TBC1D22A: variants seen among roughly 807,000 people sequenced by gnomAD.
TBC1D22A encodes the protein putative GTPase activator.
In TBC1D22A, 38 loss-of-function variants were observed where a neutral mutation model predicts 60.2. The observed-to-expected ratio is 0.63, with a 90% CI of 0.49 to 0.83. TBC1D22A has a LOEUF of 0.83. TBC1D22A is among the 40% of genes least tolerant of loss of function. The pLI is 0.00. For synonymous variants in TBC1D22A, 302 were observed against 281.7 expected (o/e 1.07, Z -0.72); for missense variants, 628 against 701.0 (o/e 0.90, Z 1.18).
intron 11 of TBC1D22A, among the ~76,000 whole-genome samples, chr22:47,089,579 G>A (rs1305832629): frequency 5.3e-5 from 8 of 152,260 alleles, no homozygotes; most frequent in Non-Finnish European, 2.9e-5. Flanking sequence ...CGTGTGGGAG[G>A]AGTGAGGCCG....
intron 4 of TBC1D22A, among the ~76,000 whole-genome samples, chr22:46,820,220 G>A (rs981033164): frequency 6.6e-6 from 1 of 151,762 alleles, no homozygotes; most frequent in African/African-American, 2.4e-5. Context: ...GGTTTTTTGT[G>A]TCTCAGTCTC....
intron 12 of TBC1D22A, among the ~76,000 whole-genome samples, chr22:47,156,576 G>A (rs560135775): frequency 1.3e-5 from 2 of 152,284 alleles, no homozygotes; most frequent in East Asian, 3.9e-4. Flanking sequence ...CCTCACAGAG[G>A]CGACCAGAAG....
chr22:46,847,957 G>T (rs111929620), intron 4 of TBC1D22A, among the ~76,000 whole-genome samples: 1 of 51,902 alleles, frequency 1.9e-5, no homozygotes, highest in Non-Finnish European at 4.0e-5. Context: ...GTGTGTGTGC[G>T]CGCGCGCACG....
rs543791591 is a variant in TBC1D22A, at chr22:46,852,359, GCC to G, written c.638-26289_638-26288del. Among the ~76,000 whole-genome samples the G allele has an allele frequency of 2.4e-4, 36 of 152,286 alleles. No individual in the cohort carries two copies. In the South Asian group the frequency reaches 6.8e-3, roughly 29 times the overall value. ...CAGGGTGGCGGCTGCTGCTGCGTGTGCCCCCCTGTCTGTGGTCTGGCCTGTTT... is the reference window on the plus strand; with the variant it reads ...CAGGGTGGCGGCTGCTGCTGCGTGTGCCCCTGTCTGTGGTCTGGCCTGTTT... On this transcript the variant is annotated intron_variant, in intron 4 of 12. Coordinates refer to ENST00000337137, the MANE Select transcript of TBC1D22A (RefSeq NM_014346.5).
intron 7 of TBC1D22A, among the ~76,000 whole-genome samples, chr22:46,911,748 T>C (rs2069941724): frequency 6.6e-6 from 1 of 151,934 alleles, no homozygotes; most frequent in Admixed American, 6.6e-5. Flanking sequence ...CGAAACCCTG[T>C]GTGTACCAAA....
At chr22:47,072,348 C>T (rs757183977) in intron 11 of TBC1D22A, among the ~76,000 whole-genome samples, 8 of 152,236 alleles carry the variant, frequency 5.3e-5, no homozygotes, top group Non-Finnish European at 7.3e-5. Context: ...ATCTCTCCAG[C>T]ACCAAGCAAT....
chr22:46,901,383 G>T (rs1220575214), intron 7 of TBC1D22A, among the ~76,000 whole-genome samples: 1 of 152,200 alleles, frequency 6.6e-6, no homozygotes, highest in Non-Finnish European at 1.5e-5. Context: ...TGGTGTGAAA[G>T]TATTGTTTAT....
intron 8 of TBC1D22A, among the ~76,000 whole-genome samples, chr22:46,945,427 G>A: frequency 6.6e-6 from 1 of 152,208 alleles, no homozygotes; most frequent in Non-Finnish European, 1.5e-5. Context: ...TTGTTATTAT[G>A]TCTTACTAAT....
chr22:46,988,998 T>A (rs936519584), intron 9 of TBC1D22A, among the ~76,000 whole-genome samples: 1 of 152,252 alleles, frequency 6.6e-6, no homozygotes. Context: ...CTGGAGAACT[T>A]GCTACAGCTT....
At chr22:46,829,266 A>G (rs1602052391) in intron 4 of TBC1D22A, among the ~76,000 whole-genome samples, 2 of 152,188 alleles carry the variant, frequency 1.3e-5, no homozygotes, top group African/African-American at 4.8e-5. Context: ...GTAGGGGTGC[A>G]TCTTATTCAT....
At chr22:47,082,374 GTTA>G (rs1430574150) in intron 11 of TBC1D22A, among the ~76,000 whole-genome samples, 1 of 151,754 alleles carries the variant, frequency 6.6e-6, no homozygotes, top group Non-Finnish European at 1.5e-5. Context: ...CAGAGCGGCA[GTTA>G]TCAGGACAGC....
chr22:47,099,746 C>T (rs1038439250), intron 11 of TBC1D22A, among the ~76,000 whole-genome samples: 3 of 152,174 alleles, frequency 2.0e-5, no homozygotes, highest in Non-Finnish European at 4.4e-5. Flanking sequence ...CACCTGGCCT[C>T]GTCCCTGCTT....
chr22:47,080,326 C>T (rs1434505076), intron 11 of TBC1D22A, among the ~76,000 whole-genome samples: 1 of 152,170 alleles, frequency 6.6e-6, no homozygotes, highest in Non-Finnish European at 1.5e-5. Context: ...TACCCAACAA[C>T]ATTCTTTGCA....
chr22:47,042,495 C>T (rs1489814369), intron 11 of TBC1D22A, among the ~76,000 whole-genome samples: 2 of 152,248 alleles, frequency 1.3e-5, no homozygotes, highest in Non-Finnish European at 2.9e-5. Context: ...GACTCAGCAT[C>T]ACAGCCTTCT....
chr22:47,035,848 G>A (rs933226233), intron 10 of TBC1D22A, among the ~76,000 whole-genome samples: 4 of 152,192 alleles, frequency 2.6e-5, no homozygotes, highest in African/African-American at 9.7e-5. Context: ...TAGAGCTCCT[G>A]GTCCGTCAGG....
chr22:47,031,891 G>T (rs992982545), intron 10 of TBC1D22A, among the ~76,000 whole-genome samples: 1 of 152,152 alleles, frequency 6.6e-6, no homozygotes, highest in African/African-American at 2.4e-5. Flanking sequence ...GGGCTTGGTG[G>T]CCTCTGTGCT....
At chr22:46,937,788 G>A (rs1337184323) in intron 8 of TBC1D22A, among the ~76,000 whole-genome samples, 2 of 151,870 alleles carry the variant, frequency 1.3e-5, no homozygotes, top group African/African-American at 2.4e-5. Context: ...TCCTGACCCT[G>A]TGTAGGCCTA....
intron 8 of TBC1D22A, among the ~76,000 whole-genome samples, chr22:46,946,692 C>G (rs1173424667): frequency 2.0e-5 from 3 of 152,182 alleles, no homozygotes; most frequent in Admixed American, 2.0e-4. Context: ...TGAGGTGAGT[C>G]TGTTTCATTC....
intron 11 of TBC1D22A, among the ~76,000 whole-genome samples, chr22:47,040,014 G>A (rs1407854276): frequency 1.4e-5 from 2 of 138,652 alleles, no homozygotes; most frequent in Admixed American, 8.0e-5. Flanking sequence ...GTGCGATCTC[G>A]GCCCACTGCA....
Sources: gnomAD v4.1 joint callset for allele counts (sites outside exome capture counted in the v4.1 genomes callset) on GRCh38, gnomAD v4.1.1 for gene constraint, MANE v1.5 for transcripts, NCBI Gene and HGNC (gene_info 2026-07-23, HGNC 2026-07-21) for gene names.